The following FGF13 variants were observed in gnomAD, a reference collection of about 807,000 sequenced individuals.
FGF13 encodes the protein fibroblast growth factor 13, also known as fibroblast growth factor homologous factor 2.
A neutral mutation model predicts 19.5 loss-of-function variants in FGF13; 2 were observed. The observed-to-expected ratio is 0.10, with a 90% CI of 0.04 to 0.32. The LOEUF (loss-of-function observed/expected upper bound fraction) is 0.32. Ranked by LOEUF, FGF13 falls within the 10% of genes least tolerant of loss-of-function variation. FGF13 has a pLI of 1.00. For missense variants in FGF13, 113 were observed against 192.7 expected (o/e 0.59, Z 2.45); for synonymous variants, 72 against 76.9 (o/e 0.94, Z 0.33).
intron 3 of FGF13, among the ~76,000 whole-genome samples, chrX:138,665,513 A>G (rs762689254): frequency 1.8e-5 from 2 of 111,662 alleles, no homozygotes; most frequent in Middle Eastern, 4.6e-3. Context: ...GTGTATCTGC[A>G]ATATATCTTT....
intron 3 of FGF13, among the ~76,000 whole-genome samples, chrX:138,663,585 T>C (rs934146065): frequency 1.1e-4 from 12 of 111,529 alleles, no homozygotes; most frequent in African/African-American, 3.9e-4. Flanking sequence ...AGAATGATAA[T>C]ATTTGTTTTA....
At chrX:138,833,021 G>A (rs759385485) in intron 3 of FGF13, among the ~76,000 whole-genome samples, 2 of 111,560 alleles carry the variant, frequency 1.8e-5, no homozygotes, top group East Asian at 2.8e-4. Flanking sequence ...ATTGGTCTAC[G>A]TGTCTATTTT....
chrX:138,878,272 G>A (rs2091402501), intron 1 of FGF13, among the ~76,000 whole-genome samples: 1 of 104,361 alleles, frequency 9.6e-6, no homozygotes, highest in African/African-American at 3.5e-5. Flanking sequence ...TTTAACATTA[G>A]GTATATCTCC....
intron 1 of FGF13, among the ~76,000 whole-genome samples, chrX:138,983,732 G>C (rs932041660): frequency 2.7e-5 from 3 of 110,872 alleles, no homozygotes; most frequent in Non-Finnish European, 3.8e-5. Flanking sequence ...GGATTCACAT[G>C]TTCATTATAG....
At chrX:138,743,129 T>G (rs1344509323), upstream of FGF13, among the ~76,000 whole-genome samples, 1 of 111,978 alleles carries the variant, frequency 8.9e-6, no homozygotes, top group Non-Finnish European at 1.9e-5. Context: ...TTGCCAAAAC[T>G]TAGAAGCAAC....
At chrX:139,061,463 T>A (rs1344243593) in intron 1 of FGF13, among the ~76,000 whole-genome samples, 1 of 111,313 alleles carries the variant, frequency 9.0e-6, no homozygotes, top group Non-Finnish European at 1.9e-5. Flanking sequence ...CTCCTCATGT[T>A]TTGTCTCTTT....
intron 1 of FGF13, among the ~76,000 whole-genome samples, chrX:138,943,750 G>A (rs928059488): frequency 1.5e-4 from 17 of 111,680 alleles, no homozygotes; most frequent in Non-Finnish European, 3.0e-4. Flanking sequence ...AGCAAAAGAG[G>A]AGGGTGAATT....
intron 3 of FGF13, among the ~76,000 whole-genome samples, chrX:138,653,487 A>G: frequency 8.9e-6 from 1 of 112,157 alleles, no homozygotes; most frequent in East Asian, 2.8e-4. Flanking sequence ...AAGTGATTAA[A>G]TTATAAATTA....
chrX:138,871,951 G>A (rs751473375), intron 1 of FGF13, among the ~76,000 whole-genome samples: 32 of 111,833 alleles, frequency 2.9e-4, no homozygotes, highest in Admixed American at 1.1e-3. Flanking sequence ...ATGTGAGCTG[G>A]CTTATGTGTT....
chrX:139,085,854 A>G (rs771748064), intron 1 of FGF13, among the ~76,000 whole-genome samples: 1 of 112,590 alleles, frequency 8.9e-6, no homozygotes, highest in Non-Finnish European at 1.9e-5. Flanking sequence ...CTCTCCATCA[A>G]AAAATAAGAT....
chrX:139,103,618 T>C (rs868080692), intron 1 of FGF13, among the ~76,000 whole-genome samples: 22 of 112,174 alleles, frequency 2.0e-4, no homozygotes, highest in African/African-American at 7.1e-4. Context: ...GTGGTAATGG[T>C]GGCAAAATTC....
At chrX:138,932,137 G>A (rs902259261) in intron 1 of FGF13, among the ~76,000 whole-genome samples, 2 of 111,606 alleles carry the variant, frequency 1.8e-5, no homozygotes, top group Non-Finnish European at 3.8e-5. Flanking sequence ...CAATGGAGTC[G>A]TCACTCCCAG....
intron 1 of FGF13, among the ~76,000 whole-genome samples, chrX:139,004,534 G>T (rs2124365771): frequency 8.9e-6 from 1 of 112,780 alleles, no homozygotes; most frequent in African/African-American, 3.2e-5. Context: ...CCCAGGCAGA[G>T]GAGGTGCCGA....
intron 1 of FGF13, among the ~76,000 whole-genome samples, chrX:138,912,395 T>A (rs1303904241): frequency 9.0e-6 from 1 of 111,390 alleles, no homozygotes; most frequent in Non-Finnish European, 1.9e-5. Flanking sequence ...ATCCTTCAAA[T>A]CAGAGGCAGT....
chrX:138,974,319 T>A (rs779858938), intron 1 of FGF13, among the ~76,000 whole-genome samples: 4 of 111,965 alleles, frequency 3.6e-5, no homozygotes, highest in African/African-American at 1.3e-4. Context: ...GGGTTACCTG[T>A]GACTCTTCAC....
intron 1 of FGF13, among the ~76,000 whole-genome samples, chrX:139,072,009 CAAAAAA>C (rs547217409): frequency 4.0e-5 from 1 of 24,845 alleles, no homozygotes; most frequent in East Asian, 1.7e-3. Context: ...GATTCCATCT[CAAAAAA>C]AAAAAAAAAA....
At chrX:138,990,791 G>GC (rs2092012536) in intron 1 of FGF13, among the ~76,000 whole-genome samples, 1 of 111,815 alleles carries the variant, frequency 8.9e-6, no homozygotes, top group African/African-American at 3.2e-5. Flanking sequence ...AACCATATCA[G>GC]CCTCCATTAC....
At chrX:139,104,603 T>C (rs1463168654) in intron 1 of FGF13, among the ~76,000 whole-genome samples, 1 of 111,740 alleles carries the variant, frequency 8.9e-6, no homozygotes, top group African/African-American at 3.2e-5. Context: ...ATAGACTAAG[T>C]GGCTTATAAA....
intron 1 of FGF13, among the ~76,000 whole-genome samples, chrX:138,894,856 C>T (rs1437372050): frequency 9.0e-6 from 1 of 111,361 alleles, no homozygotes; most frequent in Non-Finnish European, 1.9e-5. Context: ...AGAGACACAA[C>T]AAAAAAAGAG....
Sources: allele counts gnomAD v4.1 joint callset (sites outside exome capture counted in the v4.1 genomes callset), GRCh38; gene constraint gnomAD v4.1.1; transcripts MANE v1.5; gene names NCBI Gene and HGNC (gene_info 2026-07-23, HGNC 2026-07-21).